UBQLN1: variants seen among roughly 807,000 people sequenced by gnomAD.
The protein encoded by UBQLN1 is ubiquilin-1.
Under a neutral mutation model 65.4 loss-of-function variants are expected in UBQLN1, and 13 were observed. The observed-to-expected ratio is 0.20, with a 90% CI of 0.13 to 0.32. The LOEUF (loss-of-function observed/expected upper bound fraction) is 0.32, where lower values mean the gene tolerates loss of function less well. Among genes scored for constraint, UBQLN1 ranks in the 10% least tolerant of loss-of-function variants. The pLI, the probability that UBQLN1 is intolerant of heterozygous loss-of-function variation, is 1.00. For synonymous variants in UBQLN1, 267 were observed against 247.8 expected, an observed-to-expected ratio of 1.08 and a Z score of -0.73; for missense variants, 561 against 724.0, an observed-to-expected ratio of 0.77 and a Z score of 2.58.
chr9:83,696,248 G>A (rs542217918), intron 1 of UBQLN1, among the ~76,000 whole-genome samples: 10 of 152,144 alleles, frequency 6.6e-5, no homozygotes, highest in Non-Finnish European at 8.8e-5. Context: ...AAACAATGTG[G>A]AGTGACTAAA....
At chr9:83,693,057 T>A (rs981374565) in intron 1 of UBQLN1, among the ~76,000 whole-genome samples, 5 of 152,196 alleles carry the variant, frequency 3.3e-5, no homozygotes, top group Admixed American at 2.0e-4. Flanking sequence ...CCTACAAATG[T>A]ACATCCAACT....
intron 7 of UBQLN1, 90 bp from the exon 8 acceptor site, chr9:83,666,523 A>T: frequency 8.0e-7 from 1 of 1,255,994 alleles, no homozygotes. Flanking sequence ...CAAGTGCCTC[A>T]GCTGGCACTT....
At chr9:83,670,598 A>C (rs1419741230) in intron 6 of UBQLN1, among the ~76,000 whole-genome samples, 1 of 152,224 alleles carries the variant, frequency 6.6e-6, no homozygotes, top group African/African-American at 2.4e-5. Flanking sequence ...AAAGCTGCTA[A>C]CAGTGAGTCA....
At chr9:83,683,380 C>T (rs1281967343) in intron 2 of UBQLN1, among the ~76,000 whole-genome samples, 2 of 140,796 alleles carry the variant, frequency 1.4e-5, no homozygotes, top group Admixed American at 1.6e-4. Flanking sequence ...CACTGCACTC[C>T]GTCCAGCCTG....
At chr9:83,674,632 C>G (rs1288049007) in intron 6 of UBQLN1, among the ~76,000 whole-genome samples, 2 of 152,158 alleles carry the variant, frequency 1.3e-5, no homozygotes, top group Admixed American at 6.5e-5. Flanking sequence ...CTACTCGGCT[C>G]TCAGGAGGAA....
At position 83,707,490 on chromosome 9, in the gene UBQLN1, G is replaced by A; in HGVS notation, c.180+10C>T. 6.2e-7 allele frequency: 1 copy of A among 1,602,308 alleles called. No individual in the cohort carries two copies. The highest frequency in any genetic ancestry group is 1.1e-5 in the South Asian group (1 of 90,358). ...ACCCCCATCCCGGCCCGAGCCCCAG[G>A]CGGCCTCACCTGCTGGACGGAGCTA... On this transcript the variant is annotated intron_variant, in intron 1 of 10. Transcript: ENST00000376395.
intron 1 of UBQLN1, among the ~76,000 whole-genome samples, chr9:83,698,443 ATATTT>A (rs1832256171): frequency 6.6e-6 from 1 of 152,354 alleles, no homozygotes; most frequent in South Asian, 2.1e-4. Context: ...AAAATGCAAG[ATATTT>A]TATAGTCTTT....
intron 1 of UBQLN1, among the ~76,000 whole-genome samples, chr9:83,690,558 T>C (rs1214984242): frequency 6.6e-6 from 1 of 152,148 alleles, no homozygotes; most frequent in Non-Finnish European, 1.5e-5. Context: ...GTTTTAAAAG[T>C]TGGCTGTGAA....
intron 10 of UBQLN1, among the ~76,000 whole-genome samples, chr9:83,663,408 T>C (rs1831594038): frequency 6.6e-6 from 1 of 152,142 alleles, no homozygotes; most frequent in Non-Finnish European, 1.5e-5. Context: ...TATATATATA[T>C]GTAACACAAG....
rs1283353132 is a variant in UBQLN1, at chr9:83,678,478, T to C, written c.833A>G (p.Asp278Gly). ...GYNALRRMYT[D>G]IQEPMLSAAQ... The stretch of plus-strand genomic sequence containing the variant: ...AGCACTCAGCATTGGTTCCTGAATA[T>C]CTGTGTACATGCGCCTTAAAGCATT... Residue 278 changes from aspartate to glycine, a missense_variant, in exon 5 of 11, where the codon GAT becomes GGT. This residue lies in a region of UBQLN1 where 75 missense variants were observed against 138.9 expected (regional missense o/e 0.54). Transcript: ENST00000376395. The C allele has an allele frequency of 6.2e-7, 1 of 1,613,956 alleles. No individual in the cohort carries two copies. The highest frequency in any genetic ancestry group is 2.2e-5 in the East Asian group (1 of 44,874).
chr9:83,664,542 A>C (rs1315006637), intron 9 of UBQLN1, among the ~76,000 whole-genome samples: 1 of 152,024 alleles, frequency 6.6e-6, no homozygotes, highest in African/African-American at 2.4e-5. Context: ...ACCTGAGCTT[A>C]GAAGTTCAAG....
chr9:83,678,453 A>G lies in UBQLN1; in HGVS notation c.858T>C (p.Ala286=). Residue 286 remains alanine (A), a synonymous_variant, in exon 5 of 11, where the codon GCT becomes GCC. Coordinates refer to ENST00000376395, the MANE Select transcript of UBQLN1 (RefSeq NM_013438.5). ...YTDIQEPMLS[A]AQEQFGGNPF... is the part of the protein sequence containing the mutation. ...GCCAGTGGATCACCTGCTCTTGTGC[A>G]GCACTCAGCATTGGTTCCTGAATAT... The G allele has an allele frequency of 2.5e-6, 4 of 1,611,660 alleles. No homozygotes were observed. In the South Asian group the frequency reaches 4.4e-5, roughly 18 times the overall value.
intron 1 of UBQLN1, among the ~76,000 whole-genome samples, chr9:83,697,481 G>T (rs377637816): frequency 1.3e-5 from 2 of 149,012 alleles, no homozygotes; most frequent in African/African-American, 2.5e-5. Context: ...GAACCCAGGG[G>T]GCGGAGGTTG....
chr9:83,682,837 A>G, intron 3 of UBQLN1, 114 bp downstream of exon 3: 1 of 469,506 alleles, frequency 2.1e-6, no homozygotes, highest in Non-Finnish European at 3.7e-6. Flanking sequence ...TTTTTTTTTT[A>G]ATTTTTGTTG....
intron 1 of UBQLN1, among the ~76,000 whole-genome samples, chr9:83,688,682 G>A (rs565382224): frequency 3.0e-4 from 45 of 152,042 alleles, no homozygotes; most frequent in Admixed American, 3.0e-3. Flanking sequence ...CCAACATGGT[G>A]AAACCCCGTC....
intron 7 of UBQLN1, chr9:83,667,820 A>C (rs1831666573): frequency 1.0e-6 from 1 of 975,560 alleles, no homozygotes; most frequent in Non-Finnish European, 1.2e-6. Flanking sequence ...GAATAGAAAA[A>C]CCACAAATTT....
intron 1 of UBQLN1, among the ~76,000 whole-genome samples, chr9:83,694,870 G>A (rs1035209938): frequency 1.3e-5 from 2 of 152,206 alleles, no homozygotes; most frequent in African/African-American, 4.8e-5. Context: ...AATGTAGCCA[G>A]TGAGGCTGAG....
Position 83,677,795 on chromosome 9 carries a change from G to C in UBQLN1, c.1037C>G (p.Thr346Ser), listed in dbSNP as rs150337807. The change falls in exon 6 of 11, where the codon ACT (threonine) becomes AGT (serine). Residue 346 changes from threonine to serine, a missense_variant. By Grantham distance (58) the Thr-to-Ser change is moderately conservative. Around this residue, in one of 8 missense-constraint regions of UBQLN1, gnomAD observed 89 missense variants for 77.8 expected, o/e 1.14. Coordinates refer to ENST00000376395, the MANE Select transcript of UBQLN1 (RefSeq NM_013438.5). ...AGAAGTGCCACTGGCAGTACTACCA[G>C]TAGTGCCACCCACAGTGCTGGCAGT... The part of the protein sequence containing the change: ...SGTASTVGGT[T>S]GSTASGTSGQ... The C allele has an allele frequency of 1.7e-5, 28 of 1,614,204 alleles. No individual in the cohort carries two copies. The highest frequency in any genetic ancestry group is 1.9e-5 in the Non-Finnish European group (22 of 1,180,032).
At chr9:83,702,357 A>C (rs1832323134) in intron 1 of UBQLN1, among the ~76,000 whole-genome samples, 1 of 152,226 alleles carries the variant, frequency 6.6e-6, no homozygotes, top group Admixed American at 6.5e-5. Flanking sequence ...AGAATCATTA[A>C]ATAACGAGTT....
Sources: gnomAD v4.1 joint callset for allele counts (sites outside exome capture counted in the v4.1 genomes callset) on GRCh38, gnomAD v4.1.1 for gene constraint, gnomAD v4.1.1 regional missense constraint, MANE v1.5 for transcripts, NCBI Gene and HGNC (gene_info 2026-07-23, HGNC 2026-07-21) for gene names.